The following VWC2L variants were observed in gnomAD, a reference collection of about 807,000 sequenced individuals.
VWC2L encodes von Willebrand factor C domain containing 2 like.
VWC2L carries 10 observed loss-of-function variants against 21.6 expected under a neutral mutation model. The ratio of observed to expected loss-of-function variants is 0.46; its 90% CI spans 0.29 to 0.78. VWC2L has a LOEUF of 0.78. Ranked by LOEUF, VWC2L falls within the 30% of genes least tolerant of loss-of-function variation. VWC2L has a pLI of 0.10. For synonymous variants in VWC2L, 96 were observed against 94.3 expected, an observed-to-expected ratio of 1.02 and a Z score of -0.10; for missense variants, 209 against 277.1, an observed-to-expected ratio of 0.75 and a Z score of 1.74.
At chr2:214,511,856 T>C (rs534653843) in intron 3 of VWC2L, among the ~76,000 whole-genome samples, 1 of 134,040 alleles carries the variant, frequency 7.5e-6, no homozygotes, top group South Asian at 2.6e-4. Context: ...TATATATATA[T>C]ACTCTATATA....
intron 3 of VWC2L, among the ~76,000 whole-genome samples, chr2:214,533,800 A>ATCTACAATTTATC (rs1559321826): frequency 3.9e-5 from 6 of 152,160 alleles, no homozygotes; most frequent in Non-Finnish European, 7.4e-5. Context: ...AATTATCTGT[A>ATCTACAATTTATC]TACAGCTTCT....
At chr2:214,456,886 T>C (rs143890696) in intron 3 of VWC2L, among the ~76,000 whole-genome samples, 351 of 152,258 alleles carry the variant, frequency 2.3e-3, no homozygotes, top group African/African-American at 8.1e-3. Flanking sequence ...TGGCTGTAAA[T>C]ATATGGATTT....
At chr2:214,432,485 C>T (rs563348230) in intron 2 of VWC2L, among the ~76,000 whole-genome samples, 4 of 152,230 alleles carry the variant, frequency 2.6e-5, no homozygotes, top group South Asian at 2.1e-4. Context: ...GATGAGACTT[C>T]AGGAAAAGAA....
chr2:214,480,864 C>CAAAAAAAAA (rs59720596), intron 3 of VWC2L, among the ~76,000 whole-genome samples: 10 of 71,752 alleles, frequency 1.4e-4, no homozygotes, highest in African/African-American at 4.9e-4. Flanking sequence ...TATGCCAAGC[C>CAAAAAAAAA]AAAAAAAAAA....
intron 3 of VWC2L, among the ~76,000 whole-genome samples, chr2:214,457,731 T>G (rs965747656): frequency 6.6e-6 from 1 of 152,188 alleles, no homozygotes; most frequent in Non-Finnish European, 1.5e-5. Context: ...ACTCTTGAGA[T>G]GATCACAATC....
intron 3 of VWC2L, among the ~76,000 whole-genome samples, chr2:214,484,611 A>T (rs1688651425): frequency 6.6e-6 from 1 of 152,158 alleles, no homozygotes; most frequent in Non-Finnish European, 1.5e-5. Context: ...AGAGACAGGA[A>T]GTTTCTCTTA....
At chr2:214,532,156 C>T (rs1224201011) in intron 3 of VWC2L, among the ~76,000 whole-genome samples, 1 of 152,046 alleles carries the variant, frequency 6.6e-6, no homozygotes, top group Non-Finnish European at 1.5e-5. Flanking sequence ...GTTGACATAA[C>T]CCACTTCTGA....
chr2:214,452,903 C>T (rs578236645), intron 3 of VWC2L, among the ~76,000 whole-genome samples: 2 of 152,164 alleles, frequency 1.3e-5, no homozygotes, highest in South Asian at 4.2e-4. Context: ...AATGTCTGTT[C>T]AAATCATTTG....
intron 3 of VWC2L, among the ~76,000 whole-genome samples, chr2:214,468,561 G>A (rs1703258970): frequency 6.6e-6 from 1 of 151,828 alleles, no homozygotes; most frequent in African/African-American, 2.4e-5. Context: ...AATATTAGCT[G>A]ATTAGAATTT....
chr2:214,470,441 G>A (rs1479300216), intron 3 of VWC2L, among the ~76,000 whole-genome samples: 24 of 151,954 alleles, frequency 1.6e-4, no homozygotes, highest in Admixed American at 1.6e-3. Flanking sequence ...TATTTTATAG[G>A]ATTTAATTTG....
chr2:214,536,598 C>T (rs1320354140), intron 3 of VWC2L, among the ~76,000 whole-genome samples: 2 of 152,014 alleles, frequency 1.3e-5, no homozygotes, highest in African/African-American at 4.8e-5. Flanking sequence ...ACAGACTTAG[C>T]TTCCTTTACC....
intron 3 of VWC2L, among the ~76,000 whole-genome samples, chr2:214,440,221 G>T (rs1702744171): frequency 6.6e-6 from 1 of 152,042 alleles, no homozygotes; most frequent in African/African-American, 2.4e-5. Context: ...CAGAGTCTAT[G>T]TAAGACACAT....
intron 3 of VWC2L, among the ~76,000 whole-genome samples, chr2:214,482,397 C>T (rs973274832): frequency 5.3e-5 from 8 of 151,972 alleles, no homozygotes; most frequent in Non-Finnish European, 1.2e-4. Flanking sequence ...CCATTACTGA[C>T]CCCAGTACCA....
intron 3 of VWC2L, among the ~76,000 whole-genome samples, chr2:214,564,250 A>AAT (rs1690027658): frequency 6.6e-6 from 1 of 152,218 alleles, no homozygotes; most frequent in Non-Finnish European, 1.5e-5. Flanking sequence ...TACCTAAAGT[A>AAT]ATCTATAGAT....
At chr2:214,566,679 C>G (rs933620208) in intron 3 of VWC2L, among the ~76,000 whole-genome samples, 4 of 152,100 alleles carry the variant, frequency 2.6e-5, no homozygotes, top group African/African-American at 9.7e-5. Flanking sequence ...TCTGGAAGCT[C>G]CCTCCAGCAA....
At position 214,577,644 on chromosome 2, in the gene VWC2L, C is replaced by T. The variant is rs1690253542; in HGVS notation, c.*1824C>T. The T allele has an allele frequency of 6.6e-6, 1 of 152,168 alleles. No homozygotes were observed. The highest frequency in any genetic ancestry group is 6.5e-5 in the Admixed American group (1 of 15,278). 9.4% of individuals were successfully genotyped at this position (152,168 alleles called of 1,614,324 possible). The stretch of plus-strand genomic sequence containing the variant: ...TCAGCATTTCCAAGGGGTCAGTCTT[C>T]TCCATAGAGAGTGAGGCTTCTAATG... On this transcript the variant is annotated 3_prime_UTR_variant, in exon 4 of 4. Coordinates refer to ENST00000312504, the MANE Select transcript of VWC2L (RefSeq NM_001080500.4).
chr2:214,538,146 C>G (rs1689565753), intron 3 of VWC2L, among the ~76,000 whole-genome samples: 1 of 152,008 alleles, frequency 6.6e-6, no homozygotes, highest in South Asian at 2.1e-4. Context: ...GTCGGCATGA[C>G]TGTGACAGAC....
At chr2:214,463,337 T>C (rs1380153683) in intron 3 of VWC2L, among the ~76,000 whole-genome samples, 1 of 152,184 alleles carries the variant, frequency 6.6e-6, no homozygotes, top group Admixed American at 6.5e-5. Context: ...GAACCATTTA[T>C]AATCAGGAAA....
In VWC2L at chr2:214,436,675, A is replaced by G. The variant is rs1449627920; in HGVS notation, c.437A>G (p.His146Arg). 1 of 1,613,436 alleles carries G rather than the reference A, an allele frequency of 6.2e-7. No homozygotes were observed. The highest frequency in any genetic ancestry group is 1.1e-5 in the South Asian group (1 of 91,068). Residue 146 changes from histidine (H) to arginine (R), a missense_variant, in exon 3 of 4, where the codon CAC (histidine) becomes CGC (arginine). Physicochemically the swap from His to Arg is conservative, Grantham distance 29. Transcript: ENST00000312504. The stretch of plus-strand genomic sequence containing the variant: ...CGCTGTGAGCCCAGCAATGAAGTTC[A>G]CTGTGTTGTAGCAGACTGCGCAGTT... ...WCRCEPSNEV[H>R]CVVADCAVPE...
Sources: gnomAD v4.1 joint callset for allele counts (sites outside exome capture counted in the v4.1 genomes callset) on GRCh38, gnomAD v4.1.1 for gene constraint, MANE v1.5 for transcripts, NCBI Gene and HGNC (gene_info 2026-07-23, HGNC 2026-07-21) for gene names.